The following ARID3A variants were observed in gnomAD, a reference collection of about 807,000 sequenced individuals.
ARID3A encodes the protein AT-rich interactive domain-containing protein 3A.
In ARID3A, 11 loss-of-function variants were observed where a neutral mutation model predicts 52.7. The observed-to-expected ratio is 0.21, with a 90% CI of 0.13 to 0.35. The LOEUF (loss-of-function observed/expected upper bound fraction) is 0.35, where lower values mean the gene tolerates loss of function less well. Among genes scored for constraint, ARID3A ranks in the 10% least tolerant of loss-of-function variants. ARID3A has a pLI of 1.00. For synonymous variants in ARID3A, 404 were observed against 359.4 expected, an observed-to-expected ratio of 1.12 and a Z score of -1.40; for missense variants, 721 against 838.5, an observed-to-expected ratio of 0.86 and a Z score of 1.73.
Position 973,461 on chromosome 19 carries a change from T to TG in ARID3A, c.*1402dup, listed in dbSNP as rs2038323697. The TG allele has an allele frequency of 3.3e-5, 7 of 210,512 alleles. No homozygotes were observed. The East Asian group carries it at 4.2e-4, about 13-fold the overall frequency. 13.0% of individuals were successfully genotyped at this position (210,512 alleles called of 1,614,324 possible). On this transcript the variant is annotated 3_prime_UTR_variant, in exon 9 of 9. Transcript: ENST00000263620. ...AGTAGCAAGTGCTGGAAAAAGGGCC[T>TG]GGGGGGCGGGGGTGGTTCTTGTCGA...
At position 960,629 on chromosome 19, in the gene ARID3A, G is replaced by A. The variant is rs569538562; in HGVS notation, c.766+465G>A. 4.6e-5 allele frequency among the ~76,000 whole-genome samples: 7 copies of A among 152,156 alleles called. No individual in the cohort carries two copies. Among genetic ancestry groups the A allele is most frequent in the South Asian group, 4.1e-4 (2 of 4,822 alleles). On this transcript the variant is annotated intron_variant, in intron 4 of 8. Coordinates refer to ENST00000263620, the MANE Select transcript of ARID3A (RefSeq NM_005224.3). The surrounding 1 kb of genome is among the most constrained non-coding windows in gnomAD (Gnocchi z 4.3). ...GCTTAGAGTCTAATGATCTCATGGC[G>A]GCCAATGCGACATTTGAGTCCTGGC...
intron 6 of ARID3A, among the ~76,000 whole-genome samples, chr19:965,527 CA>C (rs113686728): frequency 0.06 from 7,466 of 125,180 alleles, 525 homozygotes; most frequent in African/African-American, 0.18. Context: ...GACCCCATCT[CA>C]AAAAAAAAAA....
intron 3 of ARID3A, among the ~76,000 whole-genome samples, chr19:936,867 G>T (rs746977385): frequency 2.6e-5 from 4 of 151,222 alleles, no homozygotes; most frequent in Non-Finnish European, 5.9e-5. Flanking sequence ...AATAAACCCT[G>T]ACCCTTTAAC....
At chr19:943,432 G>A (rs2037600023) in intron 3 of ARID3A, among the ~76,000 whole-genome samples, 1 of 152,028 alleles carries the variant, frequency 6.6e-6, no homozygotes, top group Admixed American at 6.6e-5. Context: ...GCCGGGCGTG[G>A]TGGCGGGTGC....
At chr19:933,654 C>A (rs942692508) in intron 3 of ARID3A, among the ~76,000 whole-genome samples, 1 of 152,086 alleles carries the variant, frequency 6.6e-6, no homozygotes, top group Non-Finnish European at 1.5e-5. Flanking sequence ...TAGGAGGGGC[C>A]AAGGCACAGA....
At chr19:953,400 C>G (rs1359240791) in intron 3 of ARID3A, among the ~76,000 whole-genome samples, 1 of 152,086 alleles carries the variant, frequency 6.6e-6, no homozygotes, top group Non-Finnish European at 1.5e-5. Context: ...CCTCTCTCCT[C>G]ACAGGTGCCC....
Position 935,292 on chromosome 19 carries a change from G to T in ARID3A, c.693+2550G>T, listed in dbSNP as rs116135891. 7.7e-3 allele frequency among the ~76,000 whole-genome samples: 1,163 copies of T among 151,950 alleles called. 20 individuals are homozygous for T. The highest frequency in any genetic ancestry group is 0.027 in the African/African-American group (1,111 of 41,250). ...CGGGCGCAGCAGGCTCAGGGCCACG[G>T]GTTCTTTCCTTGGACACCTGGAACC... On this transcript the variant is annotated intron_variant, in intron 3 of 8. Coordinates refer to ENST00000263620, the MANE Select transcript of ARID3A (RefSeq NM_005224.3).
rs78893489 is a variant in ARID3A at position 955,824 on chromosome 19, G to T, written c.694-4268G>T. Among the ~76,000 whole-genome samples the T allele has an allele frequency of 8.2e-3, 1,246 of 152,322 alleles. 26 individuals carry two copies. The highest frequency in any genetic ancestry group is 0.029 in the African/African-American group (1,200 of 41,580). ...TGCTGGCCTCTACGTGCGGTTCTTA[G>T]CCGGGGGGCTGCGTAACGAAGGACC... On this transcript the variant is annotated intron_variant, in intron 3 of 8. Transcript: ENST00000263620.
Position 972,215 on chromosome 19 carries a change from G to C in ARID3A, c.*150G>C. 3.0e-6 allele frequency: 1 copy of C among 329,314 alleles called. No homozygotes were observed. The highest frequency in any genetic ancestry group is 6.2e-5 in the Admixed American group (1 of 16,124). 20.4% of individuals were successfully genotyped at this position (329,314 alleles called of 1,614,324 possible). On this transcript the variant is annotated 3_prime_UTR_variant, in exon 9 of 9. Transcript: ENST00000263620. ...GCCACAGCTGACGCCAAAAAGAAAA[G>C]AAAAAAGATATATATATATATATAT...
At chr19:968,692 G>A (rs1261559961) in intron 8 of ARID3A, 189 bp downstream of exon 8, 10 of 572,694 alleles carry the variant, frequency 1.7e-5, no homozygotes, top group Non-Finnish European at 2.8e-5. Context: ...CCGGTACCAC[G>A]CTCAGCCCAG....
At chr19:955,652 A>G (rs1335678200) in intron 3 of ARID3A, among the ~76,000 whole-genome samples, 1 of 152,070 alleles carries the variant, frequency 6.6e-6, no homozygotes, top group South Asian at 2.1e-4. Context: ...TATTTGAGAG[A>G]TGGGGAAACT....
rs1599394912 is a variant in ARID3A at position 941,613 on chromosome 19, T to G, written c.693+8871T>G. Among the ~76,000 whole-genome samples, 1 of 152,092 alleles carries G rather than the reference T, an allele frequency of 6.6e-6. No homozygotes were observed. The highest frequency in any genetic ancestry group is 1.9e-4 in the East Asian group (1 of 5,198). On this transcript the variant is annotated intron_variant, in intron 3 of 8. Coordinates refer to ENST00000263620, the MANE Select transcript of ARID3A (RefSeq NM_005224.3). The surrounding 1 kb of genome is among the most constrained non-coding windows in gnomAD (Gnocchi z 6.9). ...TATGTTGGGGTGATGATCTCCTGTG[T>G]GTGCATTTTTTTAACTATAAAGATG...
chr19:952,493 C>T (rs2145419548), intron 3 of ARID3A, among the ~76,000 whole-genome samples: 1 of 145,570 alleles, frequency 6.9e-6, no homozygotes, highest in South Asian at 2.2e-4. Flanking sequence ...CTTCTTCTGA[C>T]ATCTCTCTGC....
intron 8 of ARID3A, 29 bp from the exon 9 acceptor site, chr19:971,849 A>G: frequency 1.3e-6 from 2 of 1,581,574 alleles, no homozygotes; most frequent in Non-Finnish European, 8.6e-7. Flanking sequence ...TAAACTCTGC[A>G]TGGCATATGT....
At chr19:966,538 T>A in intron 6 of ARID3A, 34 bp from the exon 7 acceptor site, 2 of 1,495,436 alleles carry the variant, frequency 1.3e-6, no homozygotes, top group Non-Finnish European at 8.9e-7. Flanking sequence ...GCCCAGCCCC[T>A]CCTGGCCACC....
chr19:953,405 G>T (rs1599409972), intron 3 of ARID3A, among the ~76,000 whole-genome samples: 2 of 151,876 alleles, frequency 1.3e-5, no homozygotes, highest in East Asian at 3.9e-4. Context: ...CTCCTCACAG[G>T]TGCCCCCTCC....
At chr19:933,847 G>T (rs111786255) in intron 3 of ARID3A, among the ~76,000 whole-genome samples, 2,751 of 81,582 alleles carry the variant, frequency 0.034, 91 homozygotes, top group East Asian at 0.19. Flanking sequence ...GGGACTCGGT[G>T]GGGGGGGGGG....
chr19:953,348 TC>T (rs2037841968), intron 3 of ARID3A, among the ~76,000 whole-genome samples: 1 of 151,400 alleles, frequency 6.6e-6, no homozygotes, highest in South Asian at 2.1e-4. Context: ...TCTCACTTTT[TC>T]CTCCCCTCCC....
chr19:926,882 T>A (rs1568351808), intron 1 of ARID3A, among the ~76,000 whole-genome samples: 1 of 149,950 alleles, frequency 6.7e-6, no homozygotes, highest in African/African-American at 2.5e-5. Context: ...GCTGGAGGGG[T>A]TCCCCCCCCC....
Sources: gnomAD v4.1 joint callset for allele counts (sites outside exome capture counted in the v4.1 genomes callset) on GRCh38, gnomAD v4.1.1 for gene constraint, Gnocchi (gnomAD v3.1) non-coding constraint, MANE v1.5 for transcripts, NCBI Gene and HGNC (gene_info 2026-07-23, HGNC 2026-07-21) for gene names.